The following OPCML variants were observed in gnomAD, a reference collection of about 807,000 sequenced individuals.
The protein encoded by OPCML is opioid binding protein/cell adhesion molecule like, also known as opioid-binding protein/cell adhesion molecule.
Under a neutral mutation model 37.8 loss-of-function variants are expected in OPCML, and 13 were observed. The observed-to-expected ratio is 0.34, with a 90% CI of 0.22 to 0.55. The LOEUF is 0.55. Among genes scored for constraint, OPCML ranks in the 20% least tolerant of loss-of-function variants. OPCML has a pLI of 0.91. For missense variants in OPCML, 341 were observed against 435.6 expected, an observed-to-expected ratio of 0.78 and a Z score of 1.93; for synonymous variants, 176 against 168.8, an observed-to-expected ratio of 1.04 and a Z score of -0.33.
chr11:132,886,139 C>T (rs535939234), intron 2 of OPCML, among the ~76,000 whole-genome samples: 61 of 152,212 alleles, frequency 4.0e-4, no homozygotes, highest in Non-Finnish European at 8.7e-4. Context: ...TAACTAGTCC[C>T]ATATCAATAA....
intron 3 of OPCML, among the ~76,000 whole-genome samples, chr11:132,656,515 A>C (rs1313501427): frequency 2.0e-5 from 3 of 152,204 alleles, no homozygotes; most frequent in Non-Finnish European, 4.4e-5. Context: ...TACTAACATT[A>C]ACCTGCAGAT....
At chr11:132,845,772 A>ACT (rs1033586824) in intron 2 of OPCML, among the ~76,000 whole-genome samples, 10 of 151,212 alleles carry the variant, frequency 6.6e-5, no homozygotes, top group Non-Finnish European at 1.3e-4. Context: ...TCTGTCTTTC[A>ACT]CTCTCTCTCT....
intron 1 of OPCML, among the ~76,000 whole-genome samples, chr11:133,204,275 T>C (rs2136325341): frequency 6.6e-6 from 1 of 152,266 alleles, no homozygotes; most frequent in South Asian, 2.1e-4. Context: ...TACATGTAAA[T>C]CGTTTGTAAG....
chr11:133,078,258 T>A (rs1452278582), intron 1 of OPCML, among the ~76,000 whole-genome samples: 1 of 152,044 alleles, frequency 6.6e-6, no homozygotes, highest in Non-Finnish European at 1.5e-5. Flanking sequence ...GACGATCTGA[T>A]AAACATGGGG....
chr11:132,466,909 G>A (rs2096121770), intron 4 of OPCML, among the ~76,000 whole-genome samples: 1 of 152,148 alleles, frequency 6.6e-6, no homozygotes, highest in South Asian at 2.1e-4. Flanking sequence ...TTATAATGCT[G>A]TGGCTTCAAA....
At chr11:132,781,980 G>A (rs1404298899) in intron 2 of OPCML, among the ~76,000 whole-genome samples, 1 of 136,736 alleles carries the variant, frequency 7.3e-6, no homozygotes, top group African/African-American at 2.8e-5. Context: ...TTTCTTGAGA[G>A]AGAGAGAGAA....
chr11:132,536,420 AC>A lies in OPCML; in HGVS notation c.380-7235del, dbSNP rs1357521613. ...AAGCCATTAAGTTTCAGCTTCCTCT[AC>A]TGTGAAATGGGCATAAAAATATTTG... is the stretch of plus-strand genomic sequence containing the variant. On this transcript the variant is annotated intron_variant, in intron 3 of 7. Coordinates refer to ENST00000524381, the MANE Select transcript of OPCML (RefSeq NM_001012393.5). 3.9e-5 allele frequency among the ~76,000 whole-genome samples: 6 copies of A among 152,276 alleles called. No homozygotes were observed. In the East Asian group the frequency reaches 9.7e-4, roughly 24 times the overall value.
intron 1 of OPCML, among the ~76,000 whole-genome samples, chr11:133,199,338 G>C (rs1259588094): frequency 6.6e-6 from 1 of 152,004 alleles, no homozygotes; most frequent in East Asian, 1.9e-4. Flanking sequence ...AATTACCTTT[G>C]CTTTTATTAT....
At chr11:133,514,440 C>T (rs1948220558) in intron 1 of OPCML, among the ~76,000 whole-genome samples, 2 of 152,206 alleles carry the variant, frequency 1.3e-5, no homozygotes, top group Admixed American at 1.3e-4. Flanking sequence ...GTCAGCTTCC[C>T]ATGTGTGCTC....
chr11:132,543,396 C>T (rs1278058413), intron 3 of OPCML, among the ~76,000 whole-genome samples: 2 of 151,932 alleles, frequency 1.3e-5, no homozygotes, highest in African/African-American at 2.4e-5. Flanking sequence ...GCTTATAGTC[C>T]TGATTACTCG....
chr11:133,070,434 T>C (rs1267841523), intron 1 of OPCML, among the ~76,000 whole-genome samples: 4 of 152,124 alleles, frequency 2.6e-5, no homozygotes, highest in Admixed American at 1.3e-4. Flanking sequence ...TTTCATAATC[T>C]CTACCCAGCA....
At chr11:133,252,194 A>T (rs553155209) in intron 1 of OPCML, among the ~76,000 whole-genome samples, 3 of 152,228 alleles carry the variant, frequency 2.0e-5, no homozygotes, top group Non-Finnish European at 2.9e-5. Context: ...AAATTTCTAA[A>T]ATACATACAC....
At chr11:133,069,912 G>T (rs997135570) in intron 1 of OPCML, among the ~76,000 whole-genome samples, 1 of 152,162 alleles carries the variant, frequency 6.6e-6, no homozygotes, top group South Asian at 2.1e-4. Flanking sequence ...TGTGGCTCTA[G>T]GTGGGAGAAG....
At chr11:133,160,184 A>G (rs1950122082) in intron 1 of OPCML, among the ~76,000 whole-genome samples, 1 of 152,246 alleles carries the variant, frequency 6.6e-6, no homozygotes, top group Non-Finnish European at 1.5e-5. Context: ...TCTTGCCCCT[A>G]AGTCTCTCAA....
At chr11:133,492,323 AT>A in intron 1 of OPCML, among the ~76,000 whole-genome samples, 1 of 152,288 alleles carries the variant, frequency 6.6e-6, no homozygotes. Flanking sequence ...CTGGCCTCAT[AT>A]GGATGCTTTT....
In OPCML at chr11:132,943,958, C is replaced by T. The variant is rs1280237128; in HGVS notation, c.62-948G>A. On this transcript the variant is annotated intron_variant, in intron 1 of 7. Transcript: ENST00000524381. The surrounding 1 kb of genome is among the most constrained non-coding windows in gnomAD (Gnocchi z 4.3). ...GGGGTTGTCATGGCAGCAGCTCCATCCCTGACCGCCACTTTCTCCCGGTGC... is the reference window on the plus strand; with the variant it reads ...GGGGTTGTCATGGCAGCAGCTCCATTCCTGACCGCCACTTTCTCCCGGTGC... Among the ~76,000 whole-genome samples the T allele has an allele frequency of 1.3e-5, 2 of 151,930 alleles. No individual in the cohort carries two copies. Among genetic ancestry groups the T allele is most frequent in the Admixed American group, 6.6e-5 (1 of 15,258 alleles).
intron 1 of OPCML, among the ~76,000 whole-genome samples, chr11:133,346,875 T>A (rs1474793596): frequency 6.6e-6 from 1 of 152,156 alleles, no homozygotes; most frequent in African/African-American, 2.4e-5. Flanking sequence ...TCTGTGTGAG[T>A]TTTTTGTTGT....
intron 2 of OPCML, among the ~76,000 whole-genome samples, chr11:132,717,445 T>C (rs1359732353): frequency 1.3e-5 from 2 of 152,048 alleles, no homozygotes; most frequent in African/African-American, 4.8e-5. Flanking sequence ...AAAAACAAGA[T>C]ACGAAATAGT....
intron 2 of OPCML, among the ~76,000 whole-genome samples, chr11:132,676,611 A>T (rs2135835672): frequency 6.6e-6 from 1 of 152,016 alleles, no homozygotes; most frequent in South Asian, 2.1e-4. Flanking sequence ...CAGACAACCC[A>T]ATTTAAAACA....
Sources: gnomAD v4.1 joint callset for allele counts (sites outside exome capture counted in the v4.1 genomes callset) on GRCh38, gnomAD v4.1.1 for gene constraint, Gnocchi (gnomAD v3.1) non-coding constraint, MANE v1.5 for transcripts, NCBI Gene and HGNC (gene_info 2026-07-23, HGNC 2026-07-21) for gene names.